SNCAIP: variants seen among roughly 807,000 people sequenced by gnomAD.
SNCAIP encodes synuclein alpha interacting protein.
Under a neutral mutation model 86.7 loss-of-function variants are expected in SNCAIP, and 43 were observed. The ratio of observed to expected loss-of-function variants is 0.50; its 90% CI spans 0.39 to 0.64. The LOEUF (loss-of-function observed/expected upper bound fraction) is 0.64, where lower values mean the gene tolerates loss of function less well. Ranked by LOEUF, SNCAIP falls within the 30% of genes least tolerant of loss-of-function variation. SNCAIP has a pLI of 0.00. For synonymous variants in SNCAIP, 417 were observed against 427.2 expected (o/e 0.98, Z 0.29); for missense variants, 981 against 1,103.1 (o/e 0.89, Z 1.57).
At chr5:122,365,657 C>T (rs971765442) in intron 1 of SNCAIP, among the ~76,000 whole-genome samples, 8 of 152,232 alleles carry the variant, frequency 5.3e-5, no homozygotes, top group Admixed American at 2.0e-4. Flanking sequence ...CTAGTCTGGG[C>T]GGCAGAGTAA....
Position 122,336,173 on chromosome 5 carries a change from CAA to C in SNCAIP, c.-47+23890_-47+23891del, listed in dbSNP as rs199525565. On this transcript the variant is annotated intron_variant, in intron 1 of 10. Transcript: ENST00000261368. ...AATATATTTAGCCAATACTGGTTAT[CAA>C]GAGAGAGAGAGAGAGAAAGAGAGAG... Among the ~76,000 whole-genome samples, 1,393 of 151,140 alleles carry C rather than the reference CAA, an allele frequency of 9.2e-3. 21 individuals carry two copies. Among genetic ancestry groups the C allele is most frequent in the African/African-American group, 0.03 (1,232 of 41,118 alleles).
intron 7 of SNCAIP, chr5:122,444,268 A>C (rs1781790834): frequency 3.9e-6 from 2 of 509,616 alleles, no homozygotes; most frequent in Admixed American, 2.3e-5. Flanking sequence ...AACCATGACA[A>C]GAGACAGAAC....
At chr5:122,392,378 GTGTC>G (rs1234568816) in intron 2 of SNCAIP, among the ~76,000 whole-genome samples, 3 of 151,748 alleles carry the variant, frequency 2.0e-5, no homozygotes, top group South Asian at 2.1e-4. Context: ...TTTTGTCTAC[GTGTC>G]TGTCTGTCTG....
At chr5:122,432,714 T>A (rs1778649554) in intron 6 of SNCAIP, among the ~76,000 whole-genome samples, 1 of 151,720 alleles carries the variant, frequency 6.6e-6, no homozygotes, top group Non-Finnish European at 1.5e-5. Context: ...CATTAGGAAA[T>A]CCCAACATTA....
At chr5:122,446,695 A>T (rs1782389012) in intron 8 of SNCAIP, among the ~76,000 whole-genome samples, 1 of 152,192 alleles carries the variant, frequency 6.6e-6, no homozygotes, top group African/African-American at 2.4e-5. Flanking sequence ...AAATGAATGG[A>T]GAAATCAACT....
intron 1 of SNCAIP, among the ~76,000 whole-genome samples, chr5:122,379,799 A>G (rs1766264536): frequency 6.8e-6 from 1 of 147,388 alleles, no homozygotes; most frequent in African/African-American, 2.5e-5. Flanking sequence ...TGAGATAATC[A>G]TGTGGTTTTT....
intron 3 of SNCAIP, among the ~76,000 whole-genome samples, chr5:122,408,886 T>C (rs769602351): frequency 1.3e-5 from 2 of 152,218 alleles, no homozygotes; most frequent in Non-Finnish European, 2.9e-5. Context: ...ACTGTGCCTA[T>C]TTTATTGATG....
chr5:122,352,405 T>C (rs551596222), intron 1 of SNCAIP, among the ~76,000 whole-genome samples: 11 of 152,328 alleles, frequency 7.2e-5, no homozygotes, highest in African/African-American at 2.6e-4. Flanking sequence ...GGCTAAGTTA[T>C]CTTCTCTGAT....
chr5:122,401,376 T>G lies in SNCAIP; in HGVS notation c.58-2417T>G, dbSNP rs140791307. On this transcript the variant is annotated intron_variant, in intron 2 of 10. Coordinates refer to ENST00000261368, the MANE Select transcript of SNCAIP (RefSeq NM_005460.4). ...GCTTAACAATCTTCACAACACTCCC[T>G]TAAGCCTTTTCTTCCATCCAAGGAG... 4.1e-4 allele frequency among the ~76,000 whole-genome samples: 63 copies of G among 152,320 alleles called. No homozygotes were observed. The East Asian group carries it at 0.011, about 26-fold the overall frequency.
At chr5:122,315,792 CT>C (rs1358232857) in intron 1 of SNCAIP, among the ~76,000 whole-genome samples, 1 of 151,960 alleles carries the variant, frequency 6.6e-6, no homozygotes, top group Non-Finnish European at 1.5e-5. Context: ...AGACAGGAGG[CT>C]GGTGGCAGGG....
chr5:122,375,912 A>G (rs532664871), intron 1 of SNCAIP, among the ~76,000 whole-genome samples: 13 of 152,222 alleles, frequency 8.5e-5, no homozygotes, highest in African/African-American at 3.1e-4. Context: ...GGAAGAGGTC[A>G]CCATCTTTTA....
chr5:122,395,618 A>T (rs1455404639), intron 2 of SNCAIP, among the ~76,000 whole-genome samples: 1 of 152,086 alleles, frequency 6.6e-6, no homozygotes, highest in Non-Finnish European at 1.5e-5. Context: ...GTGAGTTTTC[A>T]TGTCTTTCTA....
chr5:122,380,742 C>T (rs1766562970), intron 1 of SNCAIP, among the ~76,000 whole-genome samples: 1 of 150,984 alleles, frequency 6.6e-6, no homozygotes, highest in African/African-American at 2.5e-5. Context: ...TATGTGGTGT[C>T]TTTGTTCTCG....
intron 1 of SNCAIP, among the ~76,000 whole-genome samples, chr5:122,375,278 T>A (rs1441090663): frequency 1.3e-5 from 2 of 152,108 alleles, no homozygotes; most frequent in African/African-American, 4.8e-5. Flanking sequence ...AATAATTTGA[T>A]CTCTGGATTT....
At position 122,441,545 on chromosome 5, in the gene SNCAIP, G is replaced by A. The variant is rs150989482; in HGVS notation, c.1422+791G>A. On this transcript the variant is annotated intron_variant, in intron 7 of 10. Transcript: ENST00000261368. ...GCTCCAAGAAAGCTCCCTAGAGAGT[G>A]TAGGGTTCCTATGAGAAGAAGAGGT... is the stretch of plus-strand genomic sequence containing the variant. Among the ~76,000 whole-genome samples, 932 of 152,308 alleles carry A rather than the reference G, an allele frequency of 6.1e-3. 29 individuals carry two copies. The highest frequency in any genetic ancestry group is 0.054 in the East Asian group (281 of 5,188).
chr5:122,333,795 G>A (rs1383206758), intron 1 of SNCAIP, among the ~76,000 whole-genome samples: 1 of 152,320 alleles, frequency 6.6e-6, no homozygotes, highest in Non-Finnish European at 1.5e-5. Flanking sequence ...CTGAGCAGGG[G>A]GTGGTTGTGT....
intron 3 of SNCAIP, among the ~76,000 whole-genome samples, chr5:122,418,970 G>T (rs114630813): frequency 0.011 from 1,609 of 152,238 alleles, 29 homozygotes; most frequent in African/African-American, 0.036. Context: ...TAGTGATGAT[G>T]AAGAGGGCCC....
chr5:122,359,349 T>TTTTTTTTATTTATTTA (rs372903978), intron 1 of SNCAIP, among the ~76,000 whole-genome samples: 22,246 of 142,090 alleles, frequency 0.16, 2,193 homozygotes, highest in Admixed American at 0.23. Flanking sequence ...AGATTTTTAT[T>TTTTTTTTATTTATTTA]TTTATTTATT....
chr5:122,374,494 C>A (rs73794593), intron 1 of SNCAIP, among the ~76,000 whole-genome samples: 1,703 of 152,230 alleles, frequency 0.011, 28 homozygotes, highest in African/African-American at 0.037. Flanking sequence ...GCAAAGAATT[C>A]AAGTTTAATT....
Sources: gnomAD v4.1 joint callset for allele counts (sites outside exome capture counted in the v4.1 genomes callset) on GRCh38, gnomAD v4.1.1 for gene constraint, MANE v1.5 for transcripts, NCBI Gene and HGNC (gene_info 2026-07-23, HGNC 2026-07-21) for gene names.